Variants in VASH1 observed in about 807,000 individuals in gnomAD.
VASH1 encodes vasohibin 1.
VASH1 carries 16 observed loss-of-function variants against 35.0 expected under a neutral mutation model. The observed-to-expected ratio is 0.46, with a 90% CI of 0.31 to 0.70. The LOEUF (loss-of-function observed/expected upper bound fraction) is 0.70, where lower values mean the gene tolerates loss of function less well. VASH1 is among the 30% of genes least tolerant of loss of function. The pLI is 0.05. For missense variants in VASH1, 505 were observed against 510.7 expected (o/e 0.99, Z 0.11); for synonymous variants, 214 against 200.9 (o/e 1.07, Z -0.55).
chr14:76,770,756 A>G (rs1043961450), intron 2 of VASH1, among the ~76,000 whole-genome samples: 2 of 152,210 alleles, frequency 1.3e-5, no homozygotes, highest in African/African-American at 2.4e-5. Flanking sequence ...TGATGACTGC[A>G]TATCGGGTCC....
intron 2 of VASH1, among the ~76,000 whole-genome samples, chr14:76,770,951 G>A (rs1893778765): frequency 1.3e-5 from 2 of 152,236 alleles, no homozygotes; most frequent in South Asian, 2.1e-4. Context: ...GGCCCTCGCC[G>A]AACTGGTCGC....
At chr14:76,777,192 G>A (rs1425954377) in intron 5 of VASH1, among the ~76,000 whole-genome samples, 2 of 152,210 alleles carry the variant, frequency 1.3e-5, no homozygotes, top group Non-Finnish European at 2.9e-5. Flanking sequence ...AGATCTCCTG[G>A]GGTGACAGTG....
Position 76,761,510 on chromosome 14 carries a change from A to T in VASH1, c.-1312A>T, listed in dbSNP as rs1455739957. ...CTGGTGGGCGGCTGGCTGGCAGGGG[A>T]CGTGGTCGGCGGCAGCGGGGCCCAG... On this transcript the variant is annotated 5_prime_UTR_variant, in exon 1 of 7. Coordinates refer to ENST00000167106, the MANE Select transcript of VASH1 (RefSeq NM_014909.5). The T allele has an allele frequency of 6.5e-6, 1 of 152,780 alleles. No homozygotes were observed. Among genetic ancestry groups the T allele is most frequent in the African/African-American group, 2.4e-5 (1 of 41,388 alleles). 9.5% of individuals were successfully genotyped at this position (152,780 alleles called of 1,614,324 possible).
At chr14:76,764,644 T>C (rs1286976877) in intron 1 of VASH1, among the ~76,000 whole-genome samples, 1 of 151,930 alleles carries the variant, frequency 6.6e-6, no homozygotes, top group African/African-American at 2.4e-5. Context: ...TTTAACAAAC[T>C]GTAAAGCCCC....
Position 76,776,291 on chromosome 14 carries a change from G to A in VASH1, c.912+18G>A, listed in dbSNP as rs1043564028. 1.4e-5 allele frequency: 22 copies of A among 1,539,684 alleles called. 1 individual carries two copies. In the African/African-American group the frequency reaches 1.8e-4, roughly 12 times the overall value. On this transcript the variant is annotated intron_variant, in intron 5 of 6. Coordinates refer to ENST00000167106, the MANE Select transcript of VASH1 (RefSeq NM_014909.5). Reference sequence around the variant, plus strand: ...GGCTCAAGGTCTGCCCGCCTTCCACGCCCTCGCCCCCTCCCTCGCCCCCTC... The same window carrying A: ...GGCTCAAGGTCTGCCCGCCTTCCACACCCTCGCCCCCTCCCTCGCCCCCTC...
Position 76,776,065 on chromosome 14 carries a change from C to A in VASH1, c.704C>A (p.Thr235Lys). 1 of 1,609,864 alleles carries A rather than the reference C, an allele frequency of 6.2e-7. No homozygotes were observed. The highest frequency in any genetic ancestry group is 8.5e-7 in the Non-Finnish European group (1 of 1,179,488). The change falls in exon 5 of 7, where the codon ACG becomes AAG. Residue 235 changes from threonine to lysine, a missense_variant. Transcript: ENST00000167106. ...DLMYKPPAFRTLSELVLDFEA... is the reference protein window; with the variant it reads ...DLMYKPPAFRKLSELVLDFEA... ...ATGTACAAGCCGCCCGCCTTCCGCA[C>A]GCTCAGCGAGCTCGTGCTGGACTTC...
intron 2 of VASH1, among the ~76,000 whole-genome samples, chr14:76,770,281 A>T (rs1595271604): frequency 6.6e-6 from 1 of 151,844 alleles, no homozygotes; most frequent in Non-Finnish European, 1.5e-5. Flanking sequence ...ACTCTCTGCC[A>T]CCCCCTTCCC....
At chr14:76,778,116 T>C (rs2140190092) in intron 6 of VASH1, 45 bp downstream of exon 6, 1 of 1,335,640 alleles carries the variant, frequency 7.5e-7, no homozygotes. Context: ...AGGGTTTTTT[T>C]CCTTTCCTCT....
chr14:76,778,450 C>G (rs920948501), intron 6 of VASH1, among the ~76,000 whole-genome samples: 1 of 152,122 alleles, frequency 6.6e-6, no homozygotes, highest in South Asian at 2.1e-4. Flanking sequence ...TTGTCTGTAT[C>G]CAGGTAGCAA....
At position 76,780,149 on chromosome 14, in the gene VASH1, A is replaced by G. The variant is rs1308380213; in HGVS notation, c.*1131A>G. ...GCCTGCCCGTCAGCATGAGATACCC[A>G]GTGGGAAAGTGAGAGGATGCGGAGA... On this transcript the variant is annotated 3_prime_UTR_variant, in exon 7 of 7. Transcript: ENST00000167106. The G allele has an allele frequency of 1.3e-5, 2 of 154,000 alleles. No homozygotes were observed. The highest frequency in any genetic ancestry group is 4.8e-5 in the African/African-American group (2 of 41,452). The allele number at this position is 154,000 out of a possible 1,614,324, so 9.5% of individuals were successfully genotyped here. A position where few individuals can be genotyped will look rare whatever the true frequency, so the allele number is the denominator to read the frequency against.
chr14:76,781,045 G>A lies in VASH1; in HGVS notation c.*2027G>A, dbSNP rs975143109. 3 of 152,328 alleles carry A rather than the reference G, an allele frequency of 2.0e-5. No individual in the cohort carries two copies. The highest frequency in any genetic ancestry group is 4.4e-5 in the Non-Finnish European group (3 of 68,168). The allele number at this position is 152,328 out of a possible 1,614,324, so 9.4% of individuals were successfully genotyped here. A position where few individuals can be genotyped will look rare whatever the true frequency, so the allele number is the denominator to read the frequency against. On this transcript the variant is annotated 3_prime_UTR_variant, in exon 7 of 7. Transcript: ENST00000167106. ...GTAGCTCTTGGCCTGCCAGGGAGAC[G>A]GATGGTGCCTTTGAAGCAAAGAGGA...
Position 76,779,063 on chromosome 14 carries a change from G to T in VASH1, c.*45G>T, listed in dbSNP as rs1894028669. On this transcript the variant is annotated 3_prime_UTR_variant, in exon 7 of 7. Coordinates refer to ENST00000167106, the MANE Select transcript of VASH1 (RefSeq NM_014909.5). ...GGCCCCACCCACTCTTGGGGGCCAG[G>T]ATCCACCTGCTGGAACCAGCCTTAT... 1.2e-6 allele frequency: 2 copies of T among 1,602,834 alleles called. No individual in the cohort carries two copies. The highest frequency in any genetic ancestry group is 8.5e-7 in the Non-Finnish European group (1 of 1,171,616).
chr14:76,776,992 T>C (rs1384707197), intron 5 of VASH1, among the ~76,000 whole-genome samples: 41 of 152,090 alleles, frequency 2.7e-4, no homozygotes, highest in Non-Finnish European at 4.4e-5. Flanking sequence ...CAGCGGGCGG[T>C]AGGTGGTAGC....
chr14:76,763,151 G>C (rs1159599217), intron 1 of VASH1, 21 bp downstream of exon 1: 2 of 1,438,130 alleles, frequency 1.4e-6, no homozygotes, highest in African/African-American at 2.9e-5. Context: ...CGGGTCAGGG[G>C]GGTGATAGCA....
chr14:76,771,195 A>G lies in VASH1; in HGVS notation c.404A>G (p.Asn135Ser), dbSNP rs1377698649. ...VQRYIRELQY[N>S]HTGTQFFEIK... Reference sequence around the variant, plus strand: ...CCCTTAACCCGTGCCCACAGGTACAATCACACAGGGACACAGTTCTTTGAA... The same window carrying G: ...CCCTTAACCCGTGCCCACAGGTACAGTCACACAGGGACACAGTTCTTTGAA... Residue 135 changes from asparagine to serine, a missense_variant, in exon 3 of 7, where the codon AAT becomes AGT. Transcript: ENST00000167106. The G allele has an allele frequency of 6.3e-6, 10 of 1,598,666 alleles. No individual in the cohort carries two copies. The highest frequency in any genetic ancestry group is 6.8e-6 in the Non-Finnish European group (8 of 1,172,514).
Position 76,761,537 on chromosome 14 carries a change from G to T in VASH1, c.-1285G>T. On this transcript the variant is annotated 5_prime_UTR_variant, in exon 1 of 7. Coordinates refer to ENST00000167106, the MANE Select transcript of VASH1 (RefSeq NM_014909.5). ...GTGGTCGGCGGCAGCGGGGCCCAGGGGCGGCGGGGCTGCAGCAGCGGCGGC... is the reference window on the plus strand; with the variant it reads ...GTGGTCGGCGGCAGCGGGGCCCAGGTGCGGCGGGGCTGCAGCAGCGGCGGC... 1 of 152,992 alleles carries T rather than the reference G, an allele frequency of 6.5e-6. No homozygotes were observed. Among genetic ancestry groups the T allele is most frequent in the South Asian group, 1.8e-4 (1 of 5,442 alleles). 9.5% of individuals were successfully genotyped at this position (152,992 alleles called of 1,614,324 possible). A position where few individuals can be genotyped will look rare whatever the true frequency, so the allele number is the denominator to read the frequency against.
chr14:76,762,671 C>A lies in VASH1; in HGVS notation c.-151C>A. On this transcript the variant is annotated 5_prime_UTR_variant, in exon 1 of 7. Transcript: ENST00000167106. ...ACCTTATTGCACTGATTTTTTTTAT[C>A]AAGTCGTATTTTATTGTACAGGAGC... 1 of 605,352 alleles carries A rather than the reference C, an allele frequency of 1.7e-6. No homozygotes were observed. Among genetic ancestry groups the A allele is most frequent in the Non-Finnish European group, 2.6e-6 (1 of 391,366 alleles). The allele number at this position is 605,352 out of a possible 1,614,324, so 37.5% of individuals were successfully genotyped here. A position where few individuals can be genotyped will look rare whatever the true frequency, so the allele number is the denominator to read the frequency against.
chr14:76,766,876 C>A (rs1893656708), intron 1 of VASH1, among the ~76,000 whole-genome samples: 1 of 152,240 alleles, frequency 6.6e-6, no homozygotes, highest in African/African-American at 2.4e-5. Flanking sequence ...TGCAGCATCT[C>A]ATTCGCACTA....
intron 1 of VASH1, among the ~76,000 whole-genome samples, chr14:76,765,517 G>GC (rs1893619715): frequency 1.3e-5 from 2 of 152,194 alleles, no homozygotes; most frequent in African/African-American, 2.4e-5. Flanking sequence ...GAGAGAAGCA[G>GC]CGTGGGTTGG....
Sources: allele counts gnomAD v4.1 joint callset (sites outside exome capture counted in the v4.1 genomes callset), GRCh38; gene constraint gnomAD v4.1.1; transcripts MANE v1.5; gene names NCBI Gene and HGNC (gene_info 2026-07-23, HGNC 2026-07-21).